The following CTNNBIP1 variants were observed in gnomAD, a reference collection of about 807,000 sequenced individuals.
CTNNBIP1 encodes the protein catenin beta interacting protein 1, also known as beta-catenin-interacting protein 1.
Under a neutral mutation model 11.8 loss-of-function variants are expected in CTNNBIP1, and 7 were observed. The ratio of observed to expected loss-of-function variants is 0.60; its 90% confidence interval spans 0.34 to 1.12. The LOEUF is 1.12. CTNNBIP1 is among the 50% of genes most tolerant of loss of function. CTNNBIP1 has a pLI of 0.03. For missense variants in CTNNBIP1, 101 were observed against 113.4 expected (o/e 0.89, Z 0.50); for synonymous variants, 58 against 43.9 (o/e 1.32, Z -1.26).
In CTNNBIP1 at chr1:9,849,679, C is replaced by T. The variant is rs987588876; in HGVS notation, c.*1039G>A. ...CAAAATGAGGCCTCAGGAAGTGGTA[C>T]ACAGAAGGATGGCCAAGAGGACAGA... On this transcript the variant is annotated 3_prime_UTR_variant, in exon 6 of 6. Transcript: ENST00000377263. The T allele has an allele frequency of 2.0e-5, 3 of 152,346 alleles. No homozygotes were observed. Among genetic ancestry groups the T allele is most frequent in the African/African-American group, 7.2e-5 (3 of 41,442 alleles). 9.4% of individuals were successfully genotyped at this position (152,346 alleles called of 1,614,324 possible).
chr1:9,910,261 G>A lies in CTNNBIP1; in HGVS notation c.-310C>T, dbSNP rs948238382. Reference sequence around the variant, plus strand: ...CGCCTCCCGCTCCGAGAGTCACCGCGGTGGGGAGGGAGGGAGGCGCCAGGC... The same window carrying A: ...CGCCTCCCGCTCCGAGAGTCACCGCAGTGGGGAGGGAGGGAGGCGCCAGGC... On this transcript the variant is annotated 5_prime_UTR_variant, in exon 1 of 6. Coordinates refer to ENST00000377263, the MANE Select transcript of CTNNBIP1 (RefSeq NM_020248.3). The A allele has an allele frequency of 7.4e-5, 11 of 147,806 alleles. No homozygotes were observed. Among genetic ancestry groups the A allele is most frequent in the African/African-American group, 2.2e-4 (9 of 41,026 alleles). 9.2% of individuals were successfully genotyped at this position (147,806 alleles called of 1,614,324 possible).
At chr1:9,876,839 TATAC>T (rs1410622778) in intron 3 of CTNNBIP1, among the ~76,000 whole-genome samples, 15 of 111,788 alleles carry the variant, frequency 1.3e-4, no homozygotes, top group East Asian at 2.3e-4. Flanking sequence ...ACACTCCTGC[TATAC>T]ATACACACAC....
At position 9,909,635 on chromosome 1, in the gene CTNNBIP1, G is replaced by A. The variant is rs557117066; in HGVS notation, c.-144+460C>T. On this transcript the variant is annotated intron_variant, in intron 1 of 5. Transcript: ENST00000377263. ...ATGTGCCCCCACCAGGTACCTTCCA[G>A]GAAGGCTCACCGGGGAGGGGTGGAA... Among the ~76,000 whole-genome samples the A allele has an allele frequency of 1.9e-3, 284 of 152,302 alleles. 1 individual carries two copies. The highest frequency in any genetic ancestry group is 3.3e-3 in the Non-Finnish European group (227 of 68,032).
At position 9,910,126 on chromosome 1, in the gene CTNNBIP1, G is replaced by C. The variant is rs1270791950; in HGVS notation, c.-175C>G. 1.4e-5 allele frequency: 2 copies of C among 146,784 alleles called. No homozygotes were observed. Among genetic ancestry groups the C allele is most frequent in the Non-Finnish European group, 3.0e-5 (2 of 65,972 alleles). The allele number at this position is 146,784 out of a possible 1,614,324, so 9.1% of individuals were successfully genotyped here. ...CGCCCGACCCGGCCGGGCCGGCAGG[G>C]GCAGCGGGTCCGGCGCGCAGCGCGC... On this transcript the variant is annotated 5_prime_UTR_variant, in exon 1 of 6. Transcript: ENST00000377263.
chr1:9,909,839 C>G (rs529807693), intron 1 of CTNNBIP1, among the ~76,000 whole-genome samples: 2 of 152,042 alleles, frequency 1.3e-5, no homozygotes, highest in African/African-American at 4.8e-5. Context: ...AGGTGAGCAA[C>G]AAGGTGGGCG....
intron 5 of CTNNBIP1, among the ~76,000 whole-genome samples, chr1:9,855,251 T>G (rs1367449957): frequency 6.9e-6 from 1 of 144,388 alleles, no homozygotes; most frequent in African/African-American, 2.7e-5. Context: ...TTTGTAAAAA[T>G]TGCCTTTTTT....
intron 1 of CTNNBIP1, among the ~76,000 whole-genome samples, chr1:9,894,905 A>AT (rs1175181254): frequency 0.011 from 1,088 of 102,150 alleles, 32 homozygotes; most frequent in Middle Eastern, 0.027. Context: ...ATGCCTGGCT[A>AT]TTTTTTTTTT....
intron 1 of CTNNBIP1, among the ~76,000 whole-genome samples, chr1:9,901,982 G>A (rs372858829): frequency 6.6e-5 from 10 of 152,348 alleles, no homozygotes; most frequent in African/African-American, 1.4e-4. Flanking sequence ...CCCAGCCCTG[G>A]CTGGAGGGAG....
At chr1:9,905,122 T>C (rs1023886636) in intron 1 of CTNNBIP1, among the ~76,000 whole-genome samples, 1 of 152,122 alleles carries the variant, frequency 6.6e-6, no homozygotes, top group African/African-American at 2.4e-5. Flanking sequence ...ACTCAAATAT[T>C]CTCCTAGACC....
At position 9,888,690 on chromosome 1, in the gene CTNNBIP1, T is replaced by C. The variant is rs564152585; in HGVS notation, c.-143-4952A>G. Reference sequence around the variant, plus strand: ...AGCCCTCCTCCAGTGGGGGCAGCCATGAAGCCCAAATGCAGGAGGACCCTT... The same window carrying C: ...AGCCCTCCTCCAGTGGGGGCAGCCACGAAGCCCAAATGCAGGAGGACCCTT... On this transcript the variant is annotated intron_variant, in intron 1 of 5. Transcript: ENST00000377263. 7.9e-4 allele frequency among the ~76,000 whole-genome samples: 121 copies of C among 152,264 alleles called. 1 individual carries two copies. Among genetic ancestry groups the C allele is most frequent in the African/African-American group, 2.7e-3 (112 of 41,562 alleles).
chr1:9,888,034 G>C (rs1639220969), intron 1 of CTNNBIP1, among the ~76,000 whole-genome samples: 1 of 151,684 alleles, frequency 6.6e-6, no homozygotes, highest in Non-Finnish European at 1.5e-5. Context: ...ATGTTGGCTA[G>C]GCTGGTCTTG....
intron 5 of CTNNBIP1, among the ~76,000 whole-genome samples, chr1:9,865,372 AG>A (rs1638722350): frequency 6.6e-6 from 1 of 152,182 alleles, no homozygotes; most frequent in Non-Finnish European, 1.5e-5. Flanking sequence ...GGGCCGAAGC[AG>A]GTGGATCACG....
At chr1:9,882,742 G>T (rs1045199827) in intron 2 of CTNNBIP1, among the ~76,000 whole-genome samples, 1 of 152,138 alleles carries the variant, frequency 6.6e-6, no homozygotes, top group Non-Finnish European at 1.5e-5. Context: ...CTGTGGCTGT[G>T]GCTGTGGGGA....
chr1:9,870,141 TG>T, intron 5 of CTNNBIP1, among the ~76,000 whole-genome samples: 1 of 152,340 alleles, frequency 6.6e-6, no homozygotes, highest in African/African-American at 2.4e-5. Flanking sequence ...GAACAAGGGC[TG>T]GCTGGTGATC....
chr1:9,892,611 A>C (rs1244448040), intron 1 of CTNNBIP1, among the ~76,000 whole-genome samples: 1 of 151,888 alleles, frequency 6.6e-6, no homozygotes, highest in Non-Finnish European at 1.5e-5. Context: ...AAAGAAAAGA[A>C]GTTTTAAGGC....
chr1:9,900,657 T>C (rs1213873474), intron 1 of CTNNBIP1, among the ~76,000 whole-genome samples: 1 of 152,238 alleles, frequency 6.6e-6, no homozygotes, highest in African/African-American at 2.4e-5. Context: ...GTCTCTGCAC[T>C]GCTCCGGCTG....
At chr1:9,855,073 C>T (rs1638473309) in intron 5 of CTNNBIP1, among the ~76,000 whole-genome samples, 1 of 152,094 alleles carries the variant, frequency 6.6e-6, no homozygotes, top group Non-Finnish European at 1.5e-5. Flanking sequence ...TAGCAATGAA[C>T]AATCAAAGTA....
At position 9,883,260 on chromosome 1, in the gene CTNNBIP1, T is replaced by C. The variant is rs1639120507; in HGVS notation, c.-110+445A>G. On this transcript the variant is annotated intron_variant, in intron 2 of 5. Coordinates refer to ENST00000377263, the MANE Select transcript of CTNNBIP1 (RefSeq NM_020248.3). This position sits in a 1 kb window ranked among gnomAD's most constrained non-coding sequence, Gnocchi z 5.6. ...GAAGACCGGAGTCTGGGTGGATTCATGTGAAGCCCTGTGTGAGATGTGTGG... is the reference window on the plus strand; with the variant it reads ...GAAGACCGGAGTCTGGGTGGATTCACGTGAAGCCCTGTGTGAGATGTGTGG... Among the ~76,000 whole-genome samples, 1 of 152,088 alleles carries C rather than the reference T, an allele frequency of 6.6e-6. No homozygotes were observed. Among genetic ancestry groups the C allele is most frequent in the African/African-American group, 2.4e-5 (1 of 41,418 alleles).
At chr1:9,870,940 G>T (rs1364736760) in intron 5 of CTNNBIP1, among the ~76,000 whole-genome samples, 1 of 152,204 alleles carries the variant, frequency 6.6e-6, no homozygotes, top group African/African-American at 2.4e-5. Context: ...GCCTTAGAAA[G>T]GGATCCTGCC....
Sources: gnomAD v4.1 joint callset for allele counts (sites outside exome capture counted in the v4.1 genomes callset) on GRCh38, gnomAD v4.1.1 for gene constraint, Gnocchi (gnomAD v3.1) non-coding constraint, MANE v1.5 for transcripts, NCBI Gene and HGNC (gene_info 2026-07-23, HGNC 2026-07-21) for gene names.